AUTS2: variants seen among roughly 807,000 people sequenced by gnomAD.
AUTS2 encodes the protein activator of transcription and developmental regulator AUTS2, also known as autism susceptibility gene 2 protein.
AUTS2 carries 17 observed loss-of-function variants against 112.4 expected under a neutral mutation model. That is an observed-to-expected ratio of 0.15 (90% confidence interval 0.10 to 0.23). AUTS2 has a LOEUF of 0.23. Among genes scored for constraint, AUTS2 ranks in the 10% least tolerant of loss-of-function variants. The probability of loss-of-function intolerance (pLI) is 1.00; values close to 1 mark genes in which losing one functional copy is unlikely to be tolerated. For synonymous variants in AUTS2, 751 were observed against 702.7 expected, an observed-to-expected ratio of 1.07 and a Z score of -1.09; for missense variants, 1,510 against 1,701.6, an observed-to-expected ratio of 0.89 and a Z score of 1.98.
At chr7:70,158,019 T>C (rs559299396) in intron 4 of AUTS2, among the ~76,000 whole-genome samples, 39 of 152,134 alleles carry the variant, frequency 2.6e-4, no homozygotes, top group African/African-American at 8.9e-4. Flanking sequence ...TTAACCTGAT[T>C]TATGTAAAGT....
chr7:70,234,977 G>T (rs935336775), intron 4 of AUTS2, among the ~76,000 whole-genome samples: 16 of 152,066 alleles, frequency 1.1e-4, no homozygotes, highest in African/African-American at 3.9e-4. Flanking sequence ...TCTCCTCATG[G>T]TTGCGAAAAT....
chr7:70,003,511 G>GAA (rs1452355158), intron 2 of AUTS2, among the ~76,000 whole-genome samples: 3,387 of 63,306 alleles, frequency 0.054, 3 homozygotes, highest in African/African-American at 0.13. Flanking sequence ...TGTTATATAT[G>GAA]TATATATAAT....
intron 2 of AUTS2, among the ~76,000 whole-genome samples, chr7:70,077,343 T>C (rs1803083418): frequency 6.6e-6 from 1 of 152,166 alleles, no homozygotes; most frequent in Admixed American, 6.5e-5. Flanking sequence ...GTCCCAGTAG[T>C]TGGCAAAGTC....
chr7:70,268,091 A>G (rs1190434667), intron 4 of AUTS2, among the ~76,000 whole-genome samples: 1 of 152,244 alleles, frequency 6.6e-6, no homozygotes, highest in African/African-American at 2.4e-5. Flanking sequence ...GAACTTCAGT[A>G]TCAATGGTGA....
At chr7:70,435,412 G>A (rs890727622) in intron 4 of AUTS2, among the ~76,000 whole-genome samples, 1 of 152,214 alleles carries the variant, frequency 6.6e-6, no homozygotes, top group Non-Finnish European at 1.5e-5. Flanking sequence ...TCCTGTGGCT[G>A]ACTCCTAGAG....
chr7:69,678,916 A>T (rs1796683508), intron 1 of AUTS2, among the ~76,000 whole-genome samples: 2 of 152,232 alleles, frequency 1.3e-5, no homozygotes. Context: ...ATAATGCTGC[A>T]CGTTTTGCTG....
intron 5 of AUTS2, among the ~76,000 whole-genome samples, chr7:70,577,029 AGATAGAGGCT>A (rs1414462609): frequency 6.6e-6 from 1 of 152,234 alleles, no homozygotes; most frequent in Non-Finnish European, 1.5e-5. Flanking sequence ...TATGCTCTGC[AGATAGAGGCT>A]CTAATAACCC....
rs1584903333 is a variant in AUTS2 at position 70,227,584 on chromosome 7, T to C, written c.660+93013T>C. 2.6e-5 allele frequency among the ~76,000 whole-genome samples: 4 copies of C among 152,232 alleles called. No homozygotes were observed. In the South Asian group the frequency reaches 8.3e-4, roughly 32 times the overall value. On this transcript the variant is annotated intron_variant, in intron 4 of 18. Coordinates refer to ENST00000342771, the MANE Select transcript of AUTS2 (RefSeq NM_015570.4). ...GTTTACTGTTTCTTCCTTTCCAACA[T>C]AGGTGTTTATGGAACTTCTTTAGCT...
At chr7:70,760,660 T>C (rs1585641735) in intron 6 of AUTS2, among the ~76,000 whole-genome samples, 4 of 152,350 alleles carry the variant, frequency 2.6e-5, no homozygotes, top group African/African-American at 4.8e-5. Context: ...TCCTTCCTCA[T>C]TGGATCCAGG....
chr7:70,348,881 T>C (rs557803226), intron 4 of AUTS2, among the ~76,000 whole-genome samples: 1 of 152,330 alleles, frequency 6.6e-6, no homozygotes, highest in Admixed American at 6.5e-5. Context: ...TCACAGAGCA[T>C]GGTGAACGCT....
intron 2 of AUTS2, among the ~76,000 whole-genome samples, chr7:69,987,727 C>T (rs1308705356): frequency 6.6e-6 from 1 of 152,124 alleles, no homozygotes. Context: ...GCCTTGGCTT[C>T]CCAAAGTGCT....
At chr7:70,495,195 A>G (rs1285981470) in intron 5 of AUTS2, among the ~76,000 whole-genome samples, 1 of 148,848 alleles carries the variant, frequency 6.7e-6, no homozygotes, top group East Asian at 2.0e-4. Flanking sequence ...AGTTCTGTTC[A>G]GTGTTAAGCA....
chr7:70,481,721 A>G (rs945141243), intron 5 of AUTS2, among the ~76,000 whole-genome samples: 6 of 152,192 alleles, frequency 3.9e-5, no homozygotes, highest in African/African-American at 1.4e-4. Flanking sequence ...GGGGAATCTA[A>G]TAGGATTAAG....
chr7:70,344,284 G>A (rs1442421555), intron 4 of AUTS2, among the ~76,000 whole-genome samples: 3 of 152,122 alleles, frequency 2.0e-5, no homozygotes, highest in Non-Finnish European at 4.4e-5. Context: ...AAAGTCAAGA[G>A]AACCTAGGGC....
chr7:69,899,866 G>T (rs1794903840), intron 2 of AUTS2, among the ~76,000 whole-genome samples: 1 of 152,190 alleles, frequency 6.6e-6, no homozygotes, highest in Non-Finnish European at 1.5e-5. Flanking sequence ...CACATACATT[G>T]TGCATCTCAT....
chr7:70,062,176 G>T (rs1017149968), intron 2 of AUTS2, among the ~76,000 whole-genome samples: 3 of 151,394 alleles, frequency 2.0e-5, no homozygotes, highest in Non-Finnish European at 4.4e-5. Flanking sequence ...TCTTATTGTT[G>T]TTTTTTTCTG....
chr7:70,320,109 T>C (rs1790183330), intron 4 of AUTS2, among the ~76,000 whole-genome samples: 1 of 152,234 alleles, frequency 6.6e-6, no homozygotes, highest in African/African-American at 2.4e-5. Context: ...CTTTTTCTTT[T>C]TATTGTCCTT....
At chr7:69,836,947 G>C (rs1643708068) in intron 1 of AUTS2, among the ~76,000 whole-genome samples, 1 of 152,128 alleles carries the variant, frequency 6.6e-6, no homozygotes, top group African/African-American at 2.4e-5. Flanking sequence ...GTAAATGTTA[G>C]GTATATTTCT....
At chr7:69,784,352 C>G (rs1789273444) in intron 1 of AUTS2, among the ~76,000 whole-genome samples, 1 of 152,158 alleles carries the variant, frequency 6.6e-6, no homozygotes, top group Admixed American at 6.5e-5. Context: ...GCCTCTCCTT[C>G]GCAAGACCCA....
Sources: gnomAD v4.1 joint callset for allele counts (sites outside exome capture counted in the v4.1 genomes callset) on GRCh38, gnomAD v4.1.1 for gene constraint, MANE v1.5 for transcripts, NCBI Gene and HGNC (gene_info 2026-07-23, HGNC 2026-07-21) for gene names.